Variants in RORA observed in about 807,000 individuals in gnomAD.
RORA encodes the protein nuclear receptor ROR-alpha.
RORA carries 7 observed loss-of-function variants against 69.5 expected under a neutral mutation model. The observed-to-expected ratio is 0.10, with a 90% CI of 0.06 to 0.19. The LOEUF is 0.19. RORA is among the 10% of genes least tolerant of loss of function. The pLI is 1.00. For missense variants in RORA, 457 were observed against 663.0 expected (o/e 0.69, Z 3.41); for synonymous variants, 261 against 240.8 (o/e 1.08, Z -0.78).
Position 60,678,629 on chromosome 15 carries a change from T to C in RORA, c.196+28A>G, listed in dbSNP as rs1178779698. 2.5e-6 allele frequency: 4 copies of C among 1,581,514 alleles called. No individual in the cohort carries two copies. In the Admixed American group the frequency reaches 6.7e-5, roughly 26 times the overall value. ...GCGAATTCCAACTCTTCAGAAAACT[T>C]TGGACAGAAAAAAAATGCATTACTT... On this transcript the variant is annotated intron_variant, in intron 2 of 10. Coordinates refer to ENST00000335670, the MANE Select transcript of RORA (RefSeq NM_134261.3).
chr15:61,139,142 T>TAA (rs61302970), intron 1 of RORA, among the ~76,000 whole-genome samples: 1 of 136,554 alleles, frequency 7.3e-6, no homozygotes, highest in Non-Finnish European at 1.6e-5. Flanking sequence ...AGACTCCGTC[T>TAA]AAAAAAAAAA....
At chr15:61,108,031 A>G (rs374700262) in intron 1 of RORA, among the ~76,000 whole-genome samples, 2 of 152,340 alleles carry the variant, frequency 1.3e-5, no homozygotes, top group East Asian at 3.9e-4. Flanking sequence ...AATCCTGTTC[A>G]GCGATAACCC....
chr15:61,022,508 G>C (rs1895580590), intron 1 of RORA, among the ~76,000 whole-genome samples: 1 of 152,048 alleles, frequency 6.6e-6, no homozygotes, highest in Non-Finnish European at 1.5e-5. Flanking sequence ...TGCCATCTTT[G>C]TTTTCATGCC....
intron 2 of RORA, among the ~76,000 whole-genome samples, chr15:60,660,655 C>T (rs923509919): frequency 6.6e-6 from 1 of 152,184 alleles, no homozygotes; most frequent in South Asian, 2.1e-4. Context: ...CATTCAGCTT[C>T]CATGAGGCCT....
chr15:60,701,148 A>C (rs762735533), intron 1 of RORA, among the ~76,000 whole-genome samples: 2 of 152,210 alleles, frequency 1.3e-5, no homozygotes, highest in African/African-American at 4.8e-5. Flanking sequence ...CTCTCAAAGA[A>C]TATAGAACAT....
intron 1 of RORA, chr15:61,182,835 G>A (rs2079700441): frequency 6.6e-6 from 1 of 152,246 alleles, no homozygotes; most frequent in African/African-American, 2.4e-5. Context: ...TCTGTGTGGT[G>A]CTCTTCCCCT....
rs570354162 is a variant in RORA, at chr15:60,946,336, T to G, written c.167-267650A>C. On this transcript the variant is annotated intron_variant, in intron 1 of 10. Transcript: ENST00000335670. ...ATGACGAGCCGAAGCGGGACTGTAC[T>G]GCCGCCATCTCTGCTCACTGCAACC... 8.3e-4 allele frequency among the ~76,000 whole-genome samples: 126 copies of G among 152,348 alleles called. No homozygotes were observed. In the Middle Eastern group the frequency reaches 0.01, roughly 12 times the overall value.
intron 2 of RORA, among the ~76,000 whole-genome samples, chr15:60,673,080 C>G (rs186277952): frequency 6.6e-6 from 1 of 152,330 alleles, no homozygotes; most frequent in Admixed American, 6.5e-5. Flanking sequence ...CAATCACCAT[C>G]TCAACACACC....
At chr15:60,999,460 T>C (rs541968854) in intron 1 of RORA, among the ~76,000 whole-genome samples, 6 of 152,286 alleles carry the variant, frequency 3.9e-5, no homozygotes, top group African/African-American at 1.2e-4. Context: ...TAGCTTACCT[T>C]TGAGGCCAAA....
At chr15:60,576,491 C>G (rs2140469004) in intron 2 of RORA, among the ~76,000 whole-genome samples, 1 of 152,300 alleles carries the variant, frequency 6.6e-6, no homozygotes, top group African/African-American at 2.4e-5. Flanking sequence ...ATGTTAGATG[C>G]CAACAAAGTG....
chr15:60,717,437 C>A (rs2071234678), intron 1 of RORA, among the ~76,000 whole-genome samples: 1 of 152,186 alleles, frequency 6.6e-6, no homozygotes, highest in Non-Finnish European at 1.5e-5. Flanking sequence ...GTTCTTCATC[C>A]ATGGTCCCAG....
chr15:60,573,370 A>G (rs1459809546), intron 2 of RORA, among the ~76,000 whole-genome samples: 1 of 152,232 alleles, frequency 6.6e-6, no homozygotes, highest in Non-Finnish European at 1.5e-5. Context: ...TACAAGAGGC[A>G]GAGCGGCCGC....
chr15:60,695,989 G>A (rs987313622), intron 1 of RORA, among the ~76,000 whole-genome samples: 1 of 151,946 alleles, frequency 6.6e-6, no homozygotes, highest in East Asian at 1.9e-4. Flanking sequence ...GCGCTTCAAA[G>A]AACTCCTACA....
intron 1 of RORA, among the ~76,000 whole-genome samples, chr15:60,859,402 C>A (rs2073413813): frequency 9.0e-6 from 1 of 110,700 alleles, no homozygotes; most frequent in Admixed American, 8.3e-5. Flanking sequence ...GACCTTGGGA[C>A]CTTGGGACCT....
At chr15:61,107,353 C>CT (rs75551845) in intron 1 of RORA, among the ~76,000 whole-genome samples, 3,079 of 152,196 alleles carry the variant, frequency 0.02, 85 homozygotes, top group East Asian at 0.088. Flanking sequence ...AACTGCAGTA[C>CT]TTTTTTTATT....
At chr15:60,598,701 G>T (rs2068752003) in intron 2 of RORA, among the ~76,000 whole-genome samples, 2 of 152,200 alleles carry the variant, frequency 1.3e-5, no homozygotes, top group Admixed American at 1.3e-4. Context: ...GGATTCAAAA[G>T]TTATATGCAG....
chr15:61,087,046 C>T (rs2078635914), intron 1 of RORA, among the ~76,000 whole-genome samples: 1 of 152,162 alleles, frequency 6.6e-6, no homozygotes, highest in Admixed American at 6.5e-5. Flanking sequence ...GCAGTGTGGC[C>T]TGTAGTCCTA....
intron 2 of RORA, among the ~76,000 whole-genome samples, chr15:60,667,030 C>G (rs538675881): frequency 1.3e-5 from 2 of 152,174 alleles, no homozygotes; most frequent in East Asian, 3.9e-4. Flanking sequence ...TTTTATTGTG[C>G]AGGAGCAGGA....
chr15:60,548,839 G>A (rs566071613), intron 2 of RORA, among the ~76,000 whole-genome samples: 5 of 152,002 alleles, frequency 3.3e-5, no homozygotes, highest in South Asian at 2.1e-4. Flanking sequence ...GGGTTTCACC[G>A]TGGTCTCGAT....
Sources: gnomAD v4.1 joint callset for allele counts (sites outside exome capture counted in the v4.1 genomes callset) on GRCh38, gnomAD v4.1.1 for gene constraint, MANE v1.5 for transcripts, NCBI Gene and HGNC (gene_info 2026-07-23, HGNC 2026-07-21) for gene names.